Variants in SPECC1 observed in about 807,000 individuals in gnomAD.
SPECC1 encodes the protein cytospin-B.
A neutral mutation model predicts 104.1 loss-of-function variants in SPECC1; 62 were observed. The ratio of observed to expected loss-of-function variants is 0.60; its 90% CI spans 0.49 to 0.74. The LOEUF (loss-of-function observed/expected upper bound fraction) is 0.74. Ranked by LOEUF, SPECC1 falls within the 30% of genes least tolerant of loss-of-function variation. SPECC1 has a pLI of 0.00. For synonymous variants in SPECC1, 513 were observed against 501.6 expected, an observed-to-expected ratio of 1.02 and a Z score of -0.30; for missense variants, 1,306 against 1,310.5, an observed-to-expected ratio of 1.00 and a Z score of 0.05.
chr17:20,083,480 A>G (rs1253394709), intron 1 of SPECC1, among the ~76,000 whole-genome samples: 1 of 147,330 alleles, frequency 6.8e-6, no homozygotes, highest in Non-Finnish European at 1.5e-5. Context: ...TTGTGTAGAT[A>G]GGTGGCCTTT....
At chr17:20,307,750 T>TA (rs1331149515) in intron 14 of SPECC1, among the ~76,000 whole-genome samples, 2 of 152,040 alleles carry the variant, frequency 1.3e-5, no homozygotes, top group East Asian at 3.9e-4. Context: ...ATGAAAAGGA[T>TA]AGAAAGAATG....
At chr17:20,082,146 C>T (rs1413457497) in intron 1 of SPECC1, among the ~76,000 whole-genome samples, 1 of 152,238 alleles carries the variant, frequency 6.6e-6, no homozygotes, top group African/African-American at 2.4e-5. Flanking sequence ...CAGCACTACT[C>T]CTTGCCTGCT....
chr17:20,203,279 TAAAA>T (rs34012069), intron 3 of SPECC1, among the ~76,000 whole-genome samples: 8 of 138,520 alleles, frequency 5.8e-5, no homozygotes, highest in Admixed American at 1.5e-4. Flanking sequence ...TTTCAGTTTG[TAAAA>T]AAAAAAAAAA....
chr17:20,082,111 A>C (rs998250668), intron 1 of SPECC1, among the ~76,000 whole-genome samples: 1 of 151,944 alleles, frequency 6.6e-6, no homozygotes, highest in Non-Finnish European at 1.5e-5. Flanking sequence ...CACAACTTCC[A>C]CCGTGCTCGC....
chr17:20,064,587 T>A (rs2046300558), intron 1 of SPECC1, among the ~76,000 whole-genome samples: 1 of 152,102 alleles, frequency 6.6e-6, no homozygotes, highest in South Asian at 2.1e-4. Context: ...GCGCCAGACG[T>A]CTTCCATCCC....
chr17:20,266,533 G>A (rs768312007), intron 12 of SPECC1, among the ~76,000 whole-genome samples: 7 of 152,164 alleles, frequency 4.6e-5, no homozygotes, highest in Admixed American at 3.3e-4. Flanking sequence ...GCGGTGAGCC[G>A]AGATAGCGCC....
At chr17:20,065,324 A>G (rs1420447027) in intron 1 of SPECC1, among the ~76,000 whole-genome samples, 1 of 152,214 alleles carries the variant, frequency 6.6e-6, no homozygotes, top group Non-Finnish European at 1.5e-5. Flanking sequence ...CTCCTTCTCC[A>G]GTCACCAGTC....
chr17:20,102,770 C>T (rs2048003421), intron 2 of SPECC1, among the ~76,000 whole-genome samples: 1 of 152,234 alleles, frequency 6.6e-6, no homozygotes. Flanking sequence ...TTCCTAAAAA[C>T]ACTCCCCTCC....
At chr17:20,295,709 A>G (rs1372983940) in intron 12 of SPECC1, among the ~76,000 whole-genome samples, 1 of 152,186 alleles carries the variant, frequency 6.6e-6, no homozygotes, top group African/African-American at 2.4e-5. Context: ...AATGATCACC[A>G]TTCTAACTGG....
intron 4 of SPECC1, among the ~76,000 whole-genome samples, chr17:20,218,085 G>C (rs189961785): frequency 1.3e-5 from 2 of 152,178 alleles, no homozygotes; most frequent in African/African-American, 4.8e-5. Context: ...TAATAAAGTA[G>C]CTATTGCTAA....
At chr17:20,034,605 CTTTTTT>C (rs375147469) in intron 1 of SPECC1, among the ~76,000 whole-genome samples, 4 of 132,392 alleles carry the variant, frequency 3.0e-5, no homozygotes, top group East Asian at 2.2e-4. Context: ...TCTATTTTTC[CTTTTTT>C]TTTTTTTTTT....
chr17:20,210,755 T>C (rs1047564093), intron 4 of SPECC1, among the ~76,000 whole-genome samples: 3 of 152,222 alleles, frequency 2.0e-5, no homozygotes, highest in African/African-American at 4.8e-5. Context: ...CGGTGCTGCC[T>C]GGGGCACCAC....
intron 3 of SPECC1, among the ~76,000 whole-genome samples, chr17:20,133,992 G>A (rs2049793365): frequency 6.6e-6 from 1 of 151,864 alleles, no homozygotes; most frequent in African/African-American, 2.4e-5. Context: ...TTGATGGTTA[G>A]GGTTACAAGA....
chr17:20,069,720 CTGTT>C (rs2046479576), intron 1 of SPECC1, among the ~76,000 whole-genome samples: 1 of 152,018 alleles, frequency 6.6e-6, no homozygotes, highest in Non-Finnish European at 1.5e-5. Flanking sequence ...CATGGGATGT[CTGTT>C]TATTTACTTG....
intron 11 of SPECC1, among the ~76,000 whole-genome samples, chr17:20,259,315 G>A (rs892131268): frequency 1.3e-5 from 2 of 152,166 alleles, no homozygotes; most frequent in South Asian, 2.1e-4. Flanking sequence ...TGAAGTTGCC[G>A]TTTTCTTTAT....
chr17:20,085,044 G>A (rs909810367), intron 1 of SPECC1, among the ~76,000 whole-genome samples: 3 of 152,248 alleles, frequency 2.0e-5, no homozygotes, highest in African/African-American at 7.2e-5. Context: ...GTGAAAAGCA[G>A]GAGTTCAGGC....
At chr17:20,192,397 G>C (rs1291373206) in intron 3 of SPECC1, among the ~76,000 whole-genome samples, 6 of 152,052 alleles carry the variant, frequency 3.9e-5, no homozygotes. Flanking sequence ...TTCTTTTGAT[G>C]TTGCTATTTT....
rs1322491099 is a variant in SPECC1, at chr17:20,151,255, G to C, written c.283+40693G>C. ...ATTTTGAATTTTGATCTTTTACCAG[G>C]CTAGTGATATGTGGAGCTACACTTT... On this transcript the variant is annotated intron_variant, in intron 3 of 14. Transcript: ENST00000395527. Among the ~76,000 whole-genome samples the C allele has an allele frequency of 4.6e-5, 7 of 152,276 alleles. No homozygotes were observed. In the East Asian group the frequency reaches 1.3e-3, roughly 29 times the overall value.
chr17:20,055,875 C>T (rs1443958647), intron 1 of SPECC1, among the ~76,000 whole-genome samples: 2 of 152,340 alleles, frequency 1.3e-5, no homozygotes, highest in Non-Finnish European at 2.9e-5. Flanking sequence ...CAGGCTTGTG[C>T]TCAGCTGTTT....
Sources: allele counts gnomAD v4.1 joint callset (sites outside exome capture counted in the v4.1 genomes callset), GRCh38; gene constraint gnomAD v4.1.1; transcripts MANE v1.5; gene names NCBI Gene and HGNC (gene_info 2026-07-23, HGNC 2026-07-21).